MYH10: variants seen among roughly 807,000 people sequenced by gnomAD.
MYH10 encodes myosin heavy chain 10, also known as myosin-10.
In MYH10, 55 loss-of-function variants were observed where a neutral mutation model predicts 257.8. That is an observed-to-expected ratio of 0.21 (90% CI 0.17 to 0.27). The LOEUF (loss-of-function observed/expected upper bound fraction) is 0.27. Ranked by LOEUF, MYH10 falls within the 10% of genes least tolerant of loss-of-function variation. The pLI is 1.00. For missense variants in MYH10, 1,631 were observed against 2,500.6 expected, an observed-to-expected ratio of 0.65 and a Z score of 7.42; for synonymous variants, 854 against 921.7, an observed-to-expected ratio of 0.93 and a Z score of 1.33.
At chr17:8,597,674 T>C (rs893211514) in intron 3 of MYH10, among the ~76,000 whole-genome samples, 1 of 150,916 alleles carries the variant, frequency 6.6e-6, no homozygotes, top group African/African-American at 2.4e-5. Context: ...AATGCAATGG[T>C]GCAATCTCAG....
rs147235356 is a variant in MYH10, at chr17:8,586,144, A to G, written c.530+2937T>C. Among the ~76,000 whole-genome samples, 18 of 152,310 alleles carry G rather than the reference A, an allele frequency of 1.2e-4. No homozygotes were observed. The East Asian group carries it at 3.1e-3, about 26-fold the overall frequency. ...AACAGAGTGAACCCAGCTGTTCATC[A>G]GCATCAAATAGACCAAGAGAACCCT... is the stretch of plus-strand genomic sequence containing the variant. On this transcript the variant is annotated intron_variant, in intron 4 of 42. Coordinates refer to ENST00000360416, the MANE Select transcript of MYH10 (RefSeq NM_001256012.3).
intron 2 of MYH10, among the ~76,000 whole-genome samples, chr17:8,621,714 A>G (rs1393006040): frequency 6.6e-6 from 1 of 152,176 alleles, no homozygotes; most frequent in Admixed American, 6.5e-5. Context: ...GAGATCTATC[A>G]GGCTTGGTTG....
intron 3 of MYH10, among the ~76,000 whole-genome samples, chr17:8,604,054 G>A (rs550427195): frequency 8.5e-5 from 13 of 152,284 alleles, no homozygotes; most frequent in African/African-American, 2.6e-4. Context: ...AGTGGGTGCA[G>A]CACAGCCCGT....
intron 7 of MYH10, among the ~76,000 whole-genome samples, chr17:8,559,278 C>T (rs773919604): frequency 2.0e-5 from 3 of 152,164 alleles, no homozygotes; most frequent in Non-Finnish European, 2.9e-5. Context: ...TTCCTTCTCA[C>T]TGACATAATG....
intron 34 of MYH10, 140 bp downstream of exon 34, chr17:8,492,157 A>G (rs1401924394): frequency 8.8e-6 from 7 of 796,812 alleles, no homozygotes; most frequent in Non-Finnish European, 1.2e-5. Flanking sequence ...AGGCCAAAAC[A>G]CTCCTAGATG....
At chr17:8,519,778 G>T (rs954855785) in intron 19 of MYH10, among the ~76,000 whole-genome samples, 7 of 151,904 alleles carry the variant, frequency 4.6e-5, no homozygotes, top group Non-Finnish European at 8.8e-5. Context: ...TCATGGAACA[G>T]CAAATGGTGT....
chr17:8,558,361 AAGG>A (rs777600402), intron 7 of MYH10, among the ~76,000 whole-genome samples: 28 of 152,218 alleles, frequency 1.8e-4, no homozygotes, highest in Non-Finnish European at 3.8e-4. Flanking sequence ...AACATAGAGA[AAGG>A]AGGAGAGAAG....
intron 7 of MYH10, among the ~76,000 whole-genome samples, chr17:8,559,153 G>A (rs2082903144): frequency 6.6e-6 from 1 of 152,106 alleles, no homozygotes; most frequent in Non-Finnish European, 1.5e-5. Flanking sequence ...GACTCAATCT[G>A]AGACTCTCTT....
rs1567977649 is a variant in MYH10 at position 8,610,270 on chromosome 17, G to GAAAAAAAAAAAAAAAAAAAAAAAAAAA, written c.346-5289_346-5288insTTTTTTTTTTTTTTTTTTTTTTTTTTT. Among the ~76,000 whole-genome samples the GAAAAAAAAAAAAAAAAAAAAAAAAAAA allele has an allele frequency of 5.0e-4, 4 of 8,034 alleles. 1 individual carries two copies. The African/African-American group carries it at 0.011, about 22-fold the overall frequency. 5.3% of individuals were successfully genotyped at this position (8,034 alleles called of 152,430 possible). Reference sequence around the variant, plus strand: ...AGTTTATAGGGAGCACCATAGGATTGCAAAAAAAAAAAAAAAAAAAAAGGG... The same window carrying GAAAAAAAAAAAAAAAAAAAAAAAAAAA: ...AGTTTATAGGGAGCACCATAGGATTGAAAAAAAAAAAAAAAAAAAAAAAAAAACAAAAAAAAAAAAAAAAAAAAAGGG... On this transcript the variant is annotated intron_variant, in intron 2 of 42. Coordinates refer to ENST00000360416, the MANE Select transcript of MYH10 (RefSeq NM_001256012.3).
intron 30 of MYH10, among the ~76,000 whole-genome samples, chr17:8,498,546 CT>C (rs1407021193): frequency 9.2e-5 from 14 of 152,092 alleles, no homozygotes; most frequent in Non-Finnish European, 1.8e-4. Flanking sequence ...CCAAACTGTC[CT>C]TTAGAAGAGG....
intron 4 of MYH10, 46 bp downstream of exon 4, chr17:8,589,035 T>G (rs982132263): frequency 9.4e-6 from 15 of 1,601,458 alleles, no homozygotes; most frequent in Non-Finnish European, 1.3e-5. Context: ...TTGCTCCACT[T>G]TCCAAGAAAA....
chr17:8,514,772 A>C (rs1453056988), intron 21 of MYH10, among the ~76,000 whole-genome samples: 2 of 152,124 alleles, frequency 1.3e-5, no homozygotes, highest in Non-Finnish European at 2.9e-5. Context: ...CCTGGCTTCC[A>C]GCAGTCGGCT....
At chr17:8,626,249 C>T (rs544929147) in intron 1 of MYH10, among the ~76,000 whole-genome samples, 1 of 152,226 alleles carries the variant, frequency 6.6e-6, no homozygotes, top group Admixed American at 6.5e-5. Flanking sequence ...TGTCTCTTTC[C>T]AACTTAAACG....
intron 3 of MYH10, among the ~76,000 whole-genome samples, chr17:8,597,396 TTTATATAC>T (rs1225276281): frequency 3.3e-5 from 5 of 151,042 alleles, no homozygotes; most frequent in African/African-American, 4.8e-5. Context: ...TTAATAATTA[TTTATATAC>T]TTATATACTT....
At chr17:8,606,219 G>A (rs2084797777) in intron 2 of MYH10, among the ~76,000 whole-genome samples, 1 of 152,108 alleles carries the variant, frequency 6.6e-6, no homozygotes, top group South Asian at 2.1e-4. Flanking sequence ...TTGACCCTAT[G>A]AATGCTTATG....
intron 14 of MYH10, among the ~76,000 whole-genome samples, chr17:8,541,689 C>T (rs77948321): frequency 0.023 from 3,569 of 151,986 alleles, 59 homozygotes; most frequent in Non-Finnish European, 0.033. Flanking sequence ...AAAATAAAAA[C>T]ATCTTTGTAC....
At chr17:8,491,705 G>A (rs1262432078) in intron 34 of MYH10, among the ~76,000 whole-genome samples, 1 of 152,186 alleles carries the variant, frequency 6.6e-6, no homozygotes. Context: ...TACCAGGCCT[G>A]GGTTTGTTTT....
Position 8,476,709 on chromosome 17 carries a change from C to T in MYH10, c.5879+167G>A, listed in dbSNP as rs534668722. ...ATAGGGCCGCCTCCTCTTTTATTCT[C>T]CCCAAGGACGACTATAAAGGTCAGA... is the stretch of plus-strand genomic sequence containing the variant. On this transcript the variant is annotated intron_variant, in intron 42 of 42. Coordinates refer to ENST00000360416, the MANE Select transcript of MYH10 (RefSeq NM_001256012.3). 5.3e-5 allele frequency among the ~76,000 whole-genome samples: 8 copies of T among 152,362 alleles called. No homozygotes were observed. The Middle Eastern group carries it at 0.014, about 259-fold the overall frequency.
At chr17:8,515,697 C>T (rs1254846264) in intron 21 of MYH10, among the ~76,000 whole-genome samples, 3 of 151,840 alleles carry the variant, frequency 2.0e-5, no homozygotes, top group Non-Finnish European at 4.4e-5. Context: ...TGTGCACCAC[C>T]ATGCCTTGCT....
Sources: gnomAD v4.1 joint callset for allele counts (sites outside exome capture counted in the v4.1 genomes callset) on GRCh38, gnomAD v4.1.1 for gene constraint, MANE v1.5 for transcripts, NCBI Gene and HGNC (gene_info 2026-07-23, HGNC 2026-07-21) for gene names.